Variants in SLC8A1 observed in about 807,000 individuals in gnomAD.
SLC8A1 encodes the protein solute carrier family 8 member A1.
A neutral mutation model predicts 68.3 loss-of-function variants in SLC8A1; 18 were observed. That is an observed-to-expected ratio of 0.26 (90% CI 0.18 to 0.39). The LOEUF (loss-of-function observed/expected upper bound fraction) is 0.39, where lower values mean the gene tolerates loss of function less well. Ranked by LOEUF, SLC8A1 falls within the 10% of genes least tolerant of loss-of-function variation. The probability of loss-of-function intolerance (pLI) is 1.00; values close to 1 mark genes in which losing one functional copy is unlikely to be tolerated. For missense variants in SLC8A1, 985 were observed against 1,156.7 expected (o/e 0.85, Z 2.15); for synonymous variants, 475 against 415.5 (o/e 1.14, Z -1.74).
intron 2 of SLC8A1, chr2:40,190,581 T>C (rs930831029): frequency 6.6e-6 from 1 of 152,188 alleles, no homozygotes; most frequent in African/African-American, 2.4e-5. Context: ...ATGATTTTCT[T>C]TGGTAACTCA....
intron 2 of SLC8A1, among the ~76,000 whole-genome samples, chr2:40,337,162 T>C (rs1261462646): frequency 1.3e-5 from 2 of 152,182 alleles, no homozygotes; most frequent in African/African-American, 4.8e-5. Flanking sequence ...TAGTTTACAG[T>C]GCTGTGTAAG....
intron 2 of SLC8A1, chr2:40,223,498 C>G (rs549910286): frequency 6.6e-6 from 1 of 151,990 alleles, no homozygotes; most frequent in East Asian, 1.9e-4. Context: ...ACATGTATCC[C>G]AGAACTTAAA....
At chr2:40,112,955 A>G (rs188064802) in exon 8 of SLC8A1, 1 of 152,472 alleles carries the variant, frequency 6.6e-6, no homozygotes, top group East Asian at 1.9e-4. Context: ...ATACAGTTTC[A>G]GTGTGTTTAT....
intron 2 of SLC8A1, among the ~76,000 whole-genome samples, chr2:40,407,756 T>A (rs1326306965): frequency 6.6e-6 from 1 of 152,214 alleles, no homozygotes; most frequent in Non-Finnish European, 1.5e-5. Context: ...ATTCAGTGAA[T>A]ATATTTTAAA....
intron 1 of SLC8A1, among the ~76,000 whole-genome samples, chr2:40,465,132 T>C (rs1703590684): frequency 6.6e-6 from 1 of 152,164 alleles, no homozygotes. Flanking sequence ...TTAAAATTCA[T>C]GGGGTATTTT....
At position 40,265,164 on chromosome 2, in the gene SLC8A1, T is replaced by C. The variant is rs563102396; in HGVS notation, c.1809-87309A>G. On this transcript the variant is annotated intron_variant, in intron 2 of 7. Transcript: ENST00000406785. ...ATCCTGTATCCTGAATTAAGGACAATGTAGAGTAGACGATGGGCATGCAGC... is the reference window on the plus strand; with the variant it reads ...ATCCTGTATCCTGAATTAAGGACAACGTAGAGTAGACGATGGGCATGCAGC... Among the ~76,000 whole-genome samples the C allele has an allele frequency of 5.9e-5, 9 of 152,296 alleles. No individual in the cohort carries two copies. In the East Asian group the frequency reaches 1.7e-3, roughly 29 times the overall value.
At chr2:40,166,262 G>T (rs1476552678) in intron 4 of SLC8A1, among the ~76,000 whole-genome samples, 1 of 152,076 alleles carries the variant, frequency 6.6e-6, no homozygotes, top group Non-Finnish European at 1.5e-5. Flanking sequence ...TGGTTCCTAG[G>T]CTAGCTGCTC....
At chr2:40,228,599 C>A (rs1182572109) in intron 2 of SLC8A1, among the ~76,000 whole-genome samples, 3 of 152,288 alleles carry the variant, frequency 2.0e-5, no homozygotes, top group South Asian at 4.1e-4. Flanking sequence ...TAATGAAAGA[C>A]CCCCAGGTCT....
chr2:40,404,089 T>C (rs1477398329), intron 2 of SLC8A1, among the ~76,000 whole-genome samples: 2 of 152,096 alleles, frequency 1.3e-5, no homozygotes, highest in African/African-American at 4.8e-5. Flanking sequence ...AGACATATGG[T>C]CTCACTATGT....
intron 6 of SLC8A1, among the ~76,000 whole-genome samples, chr2:40,149,287 T>A (rs374485514): frequency 2.6e-5 from 4 of 152,190 alleles, no homozygotes; most frequent in Non-Finnish European, 5.9e-5. Flanking sequence ...GTTCTAGGCA[T>A]TGCAAATGCA....
chr2:40,184,724 A>T (rs1486395435), intron 2 of SLC8A1, among the ~76,000 whole-genome samples: 1 of 152,006 alleles, frequency 6.6e-6, no homozygotes, highest in Non-Finnish European at 1.5e-5. Context: ...ACTTTCCCAC[A>T]TGTAAGCCAT....
chr2:40,268,350 G>A (rs529870638), intron 2 of SLC8A1, among the ~76,000 whole-genome samples: 3 of 152,124 alleles, frequency 2.0e-5, no homozygotes, highest in Non-Finnish European at 2.9e-5. Flanking sequence ...TTCACTAAGT[G>A]GGTCTAATGC....
At chr2:40,173,536 C>T (rs538836620) in intron 4 of SLC8A1, among the ~76,000 whole-genome samples, 1 of 152,242 alleles carries the variant, frequency 6.6e-6, no homozygotes, top group East Asian at 1.9e-4. Flanking sequence ...GTGAAACGGC[C>T]CACATGAAAC....
At chr2:40,358,214 G>T (rs141669588) in intron 2 of SLC8A1, among the ~76,000 whole-genome samples, 1 of 151,448 alleles carries the variant, frequency 6.6e-6, no homozygotes, top group Non-Finnish European at 1.5e-5. Flanking sequence ...AGCTATTTAA[G>T]GTTTTTAGAT....
At chr2:40,429,978 G>C (rs1455898954) in exon 2 of SLC8A1, 2 of 1,613,770 alleles carry the variant, frequency 1.2e-6, no homozygotes, top group East Asian at 2.2e-5. Flanking sequence ...CTTCTATAGA[G>C]GACATGAACC....
intron 2 of SLC8A1, among the ~76,000 whole-genome samples, chr2:40,331,306 C>G (rs1248570625): frequency 6.6e-6 from 1 of 152,124 alleles, no homozygotes; most frequent in Non-Finnish European, 1.5e-5. Flanking sequence ...AAAGTCTAAC[C>G]AATGCTTTTA....
chr2:40,457,183 G>A (rs1177558219), intron 1 of SLC8A1, among the ~76,000 whole-genome samples: 2 of 152,096 alleles, frequency 1.3e-5, no homozygotes, highest in East Asian at 1.9e-4. Flanking sequence ...TCTGTAGGGC[G>A]TAAACTTCTT....
intron 1 of SLC8A1, among the ~76,000 whole-genome samples, chr2:40,509,431 T>C (rs1706567344): frequency 7.0e-6 from 1 of 143,582 alleles, no homozygotes; most frequent in Non-Finnish European, 1.5e-5. Flanking sequence ...ATCAAGGGGA[T>C]TTGGAATTTT....
chr2:40,356,162 T>C (rs1672600997), intron 2 of SLC8A1, among the ~76,000 whole-genome samples: 1 of 152,190 alleles, frequency 6.6e-6, no homozygotes, highest in Admixed American at 6.5e-5. Flanking sequence ...AGTTAAACAG[T>C]TCCTTCCACA....
Sources: allele counts gnomAD v4.1 joint callset (sites outside exome capture counted in the v4.1 genomes callset), GRCh38; gene constraint gnomAD v4.1.1; transcripts MANE v1.5; gene names NCBI Gene and HGNC (gene_info 2026-07-23, HGNC 2026-07-21).